RBM20: variants seen among roughly 807,000 people sequenced by gnomAD.
The protein encoded by RBM20 is RNA binding motif protein 20.
A neutral mutation model predicts 110.1 loss-of-function variants in RBM20; 51 were observed. The ratio of observed to expected loss-of-function variants is 0.46; its 90% confidence interval spans 0.37 to 0.59. The LOEUF is 0.59. Among genes scored for constraint, RBM20 ranks in the 20% least tolerant of loss-of-function variants. RBM20 has a pLI of 0.00. For missense variants in RBM20, 1,512 were observed against 1,574.9 expected, an observed-to-expected ratio of 0.96 and a Z score of 0.68; for synonymous variants, 589 against 618.2, an observed-to-expected ratio of 0.95 and a Z score of 0.70.
intron 1 of RBM20, among the ~76,000 whole-genome samples, chr10:110,668,251 G>T (rs1328330957): frequency 3.1e-5 from 1 of 32,736 alleles, no homozygotes; most frequent in African/African-American, 5.5e-5. Flanking sequence ...CCTTGGGTGG[G>T]GAGGCCAAAA....
At chr10:110,728,863 G>A (rs17829776) in intron 1 of RBM20, among the ~76,000 whole-genome samples, 13,952 of 152,126 alleles carry the variant, frequency 0.092, 895 homozygotes, top group Non-Finnish European at 0.13. Context: ...CTGCTGACCC[G>A]CTGAGCGATG....
chr10:110,781,662 C>T lies in RBM20; in HGVS notation c.1053C>T (p.Asp351=), dbSNP rs192232825. 79 of 1,548,314 alleles carry T rather than the reference C, an allele frequency of 5.1e-5. No homozygotes were observed. The East Asian group carries it at 1.8e-3, about 35-fold the overall frequency. Residue 351 remains aspartate (D), a synonymous_variant, in exon 2 of 14, where the codon GAC becomes GAT. Transcript: ENST00000369519. ...ACAACCAGCCCTATGAGCTGTACGA[C>T]CCCGAGGAACCAACCTCAGACAGGA... ...PPHNQPYELY[D]PEEPTSDRTP...
chr10:110,649,314 G>A lies in RBM20; in HGVS notation c.191+4669G>A, dbSNP rs537605750. The stretch of plus-strand genomic sequence containing the variant: ...CCAGTTTAAACTAATATTCTTCCCC[G>A]CCCACAACAGCCGGTCCTCAAGTGA... On this transcript the variant is annotated intron_variant, in intron 1 of 13. Coordinates refer to ENST00000369519, the MANE Select transcript of RBM20 (RefSeq NM_001134363.3). Among the ~76,000 whole-genome samples, 63 of 151,840 alleles carry A rather than the reference G, an allele frequency of 4.1e-4. No individual in the cohort carries two copies. In the South Asian group the frequency reaches 8.7e-3, roughly 21 times the overall value.
At chr10:110,713,721 C>G (rs951299865) in intron 1 of RBM20, among the ~76,000 whole-genome samples, 6 of 152,202 alleles carry the variant, frequency 3.9e-5, no homozygotes, top group Admixed American at 3.9e-4. Flanking sequence ...CAACCATTCC[C>G]TAAAGTAGGT....
At position 110,782,986 on chromosome 10, in the gene RBM20, G is replaced by T. The variant is rs947608400; in HGVS notation, c.1276-380G>T. ...TTTGTAAGTCACTGTGAGTCTACCT[G>T]CCAGATTCTCCCAACTGGATATGAA... On this transcript the variant is annotated intron_variant, in intron 2 of 13. Coordinates refer to ENST00000369519, the MANE Select transcript of RBM20 (RefSeq NM_001134363.3). Among the ~76,000 whole-genome samples, 5 of 149,244 alleles carry T rather than the reference G, an allele frequency of 3.4e-5. No homozygotes were observed. The South Asian group carries it at 1.1e-3, about 32-fold the overall frequency.
chr10:110,645,832 G>C (rs574859388), intron 1 of RBM20, among the ~76,000 whole-genome samples: 37 of 152,088 alleles, frequency 2.4e-4, no homozygotes, highest in Non-Finnish European at 4.4e-4. Context: ...ACAACTTTTT[G>C]CTTTAATTGG....
intron 1 of RBM20, among the ~76,000 whole-genome samples, chr10:110,708,417 AT>A (rs1248195185): frequency 1.3e-5 from 2 of 152,172 alleles, no homozygotes; most frequent in East Asian, 1.9e-4. Flanking sequence ...CATGTAGATA[AT>A]TTTTTTCAAC....
At chr10:110,782,102 T>G (rs1250924078) in intron 2 of RBM20, among the ~76,000 whole-genome samples, 2 of 152,218 alleles carry the variant, frequency 1.3e-5, no homozygotes, top group Admixed American at 6.5e-5. Flanking sequence ...TCAGAAATTC[T>G]TACACACTTT....
chr10:110,693,625 T>G (rs1452626782), intron 1 of RBM20, among the ~76,000 whole-genome samples: 1 of 152,238 alleles, frequency 6.6e-6, no homozygotes, highest in Non-Finnish European at 1.5e-5. Context: ...TTAAATGACA[T>G]GTTATTTCTT....
At chr10:110,794,865 T>C (rs529553887) in intron 5 of RBM20, among the ~76,000 whole-genome samples, 3 of 152,358 alleles carry the variant, frequency 2.0e-5, no homozygotes, top group Admixed American at 2.0e-4. Flanking sequence ...GGTTGTTTTT[T>C]CTACTACCCA....
At chr10:110,703,362 C>T (rs563980157) in intron 1 of RBM20, among the ~76,000 whole-genome samples, 128 of 147,606 alleles carry the variant, frequency 8.7e-4, no homozygotes, top group Admixed American at 1.4e-3. Context: ...TGGACAACAA[C>T]GGTGAAACTC....
chr10:110,717,072 G>A (rs542493765), intron 1 of RBM20, among the ~76,000 whole-genome samples: 123 of 152,088 alleles, frequency 8.1e-4, no homozygotes, highest in Middle Eastern at 3.4e-3. Context: ...TATCACATTT[G>A]TCTTGTCCGT....
intron 1 of RBM20, among the ~76,000 whole-genome samples, chr10:110,743,601 C>T (rs1346638016): frequency 6.6e-6 from 1 of 151,914 alleles, no homozygotes; most frequent in East Asian, 1.9e-4. Flanking sequence ...GCATGCAATA[C>T]CCACATTGTT....
chr10:110,679,805 G>A (rs1862396063), intron 1 of RBM20, among the ~76,000 whole-genome samples: 2 of 152,184 alleles, frequency 1.3e-5, no homozygotes, highest in African/African-American at 4.8e-5. Flanking sequence ...CTCTAGCCCT[G>A]ATGGACTGGG....
At position 110,644,469 on chromosome 10, in the gene RBM20, A is replaced by T. The variant is rs1267175101; in HGVS notation, c.15A>T (p.Ala5=). The T allele has an allele frequency of 1.3e-6, 2 of 1,514,900 alleles. No homozygotes were observed. The highest frequency in any genetic ancestry group is 2.9e-5 in the African/African-American group (2 of 69,438). The allele number at this position is 1,514,900 out of a possible 1,614,324, so 93.8% of individuals were successfully genotyped here. The change falls in exon 1 of 14, where the codon GCA becomes GCT. Residue 5 remains alanine, a synonymous_variant. Transcript: ENST00000369519. This position sits in a 1 kb window ranked among gnomAD's most constrained non-coding sequence, Gnocchi z 4.3. ...TCTCGCCCCGCATGGTGCTGGCAGC[A>T]GCCATGAGCCAGGACGCGGACCCCA... MVLA[A]AMSQDADPSG... is the part of the protein sequence containing the mutation.
Position 110,703,378 on chromosome 10 carries a change from C to CA in RBM20, c.191+58745dup, listed in dbSNP as rs1022014069. ...GGACAACAACGGTGAAACTCTGTCT[C>CA]AAAAAAAAAAAAGAAAGAAAGAAAG... On this transcript the variant is annotated intron_variant, in intron 1 of 13. Transcript: ENST00000369519. 4.4e-3 allele frequency among the ~76,000 whole-genome samples: 502 copies of CA among 112,968 alleles called. 1 individual carries two copies. Among genetic ancestry groups the CA allele is most frequent in the South Asian group, 7.8e-3 (28 of 3,602 alleles). The allele number at this position is 112,968 out of a possible 152,430, so 74.1% of individuals were successfully genotyped here.
intron 9 of RBM20, among the ~76,000 whole-genome samples, chr10:110,819,131 C>G (rs1844877751): frequency 6.6e-6 from 1 of 152,194 alleles, no homozygotes. Flanking sequence ...CCTAGAACTG[C>G]AGCTTGGCCC....
At chr10:110,709,828 C>A (rs1206731362) in intron 1 of RBM20, among the ~76,000 whole-genome samples, 1 of 152,048 alleles carries the variant, frequency 6.6e-6, no homozygotes, top group Non-Finnish European at 1.5e-5. Context: ...ACCTTGGCCT[C>A]CCAAAGTTGG....
At chr10:110,662,318 C>T (rs1862115596) in intron 1 of RBM20, among the ~76,000 whole-genome samples, 1 of 152,174 alleles carries the variant, frequency 6.6e-6, no homozygotes. Context: ...GAATATTTAA[C>T]ACTGTGCTGA....
Sources: allele counts gnomAD v4.1 joint callset (sites outside exome capture counted in the v4.1 genomes callset), GRCh38; gene constraint gnomAD v4.1.1; non-coding constraint Gnocchi (gnomAD v3.1); transcripts MANE v1.5; gene names NCBI Gene and HGNC (gene_info 2026-07-23, HGNC 2026-07-21).